The following GGA3 variants were observed in gnomAD, a reference collection of about 807,000 sequenced individuals.
GGA3 encodes ADP-ribosylation factor-binding protein GGA3.
GGA3 carries 57 observed loss-of-function variants against 77.5 expected under a neutral mutation model. The ratio of observed to expected loss-of-function variants is 0.74; its 90% confidence interval spans 0.59 to 0.92. The LOEUF (loss-of-function observed/expected upper bound fraction) is 0.92, where lower values mean the gene tolerates loss of function less well. GGA3 is among the 40% of genes least tolerant of loss of function. The pLI is 0.00. For missense variants in GGA3, 970 were observed against 914.9 expected, an observed-to-expected ratio of 1.06 and a Z score of -0.78; for synonymous variants, 416 against 383.7, an observed-to-expected ratio of 1.08 and a Z score of -0.98.
At chr17:75,255,307 A>C (rs1348710289) in intron 1 of GGA3, among the ~76,000 whole-genome samples, 1 of 152,060 alleles carries the variant, frequency 6.6e-6, no homozygotes, top group African/African-American at 2.4e-5. Flanking sequence ...GTTTTTAGTT[A>C]TCCCCACCTG....
chr17:75,247,552 G>A (rs541938768), intron 1 of GGA3, among the ~76,000 whole-genome samples: 14 of 152,174 alleles, frequency 9.2e-5, no homozygotes, highest in South Asian at 2.1e-4. Flanking sequence ...GTGAGTCACC[G>A]CGCCCAGCGA....
At chr17:75,251,306 T>G (rs959239870) in intron 1 of GGA3, among the ~76,000 whole-genome samples, 1 of 149,080 alleles carries the variant, frequency 6.7e-6, no homozygotes, top group Non-Finnish European at 1.5e-5. Flanking sequence ...GATTTTACCC[T>G]CAAGGAGGCT....
Position 75,239,972 on chromosome 17 carries a change from G to A in GGA3, c.1400C>T (p.Ala467Val), listed in dbSNP as rs577028145. ...AGGAACACTGGCTGGGACCACAGGA[G>A]CTGGGAAGGGAGGCGGCAGTGGAGC... ...SQAPLPPPFP[A>V]PVVPASVPAP... Residue 467 changes from alanine (A) to valine (V), a missense_variant, in exon 13 of 17, where the codon GCT becomes GTT. Physicochemically the swap from Ala to Val is moderately conservative, Grantham distance 64. Coordinates refer to ENST00000537686, the MANE Select transcript of GGA3 (RefSeq NM_138619.4). 2 of 1,564,306 alleles carry A rather than the reference G, an allele frequency of 1.3e-6. No individual in the cohort carries two copies. Among genetic ancestry groups the A allele is most frequent in the African/African-American group, 2.7e-5 (2 of 73,548 alleles).
chr17:75,241,121 G>A, intron 10 of GGA3, 64 bp from the exon 11 acceptor site: 4 of 1,577,694 alleles, frequency 2.5e-6, no homozygotes, highest in Non-Finnish European at 3.5e-6. Flanking sequence ...TGTGGCAGGA[G>A]GCAGCACCCT....
At chr17:75,258,126 T>C (rs1440563590) in intron 1 of GGA3, among the ~76,000 whole-genome samples, 3 of 152,190 alleles carry the variant, frequency 2.0e-5, no homozygotes, top group Non-Finnish European at 4.4e-5. Context: ...GCTCTTAACT[T>C]CACCGCCTAT....
At chr17:75,257,883 C>T (rs921957519) in intron 1 of GGA3, among the ~76,000 whole-genome samples, 3 of 152,136 alleles carry the variant, frequency 2.0e-5, no homozygotes, top group African/African-American at 4.8e-5. Context: ...GCCAAGCCAT[C>T]GCATCCCCTA....
At chr17:75,252,579 A>G (rs1276971398) in intron 1 of GGA3, among the ~76,000 whole-genome samples, 1 of 151,786 alleles carries the variant, frequency 6.6e-6, no homozygotes, top group African/African-American at 2.4e-5. Context: ...TGCTTCTAGA[A>G]CTTCTGTTCT....
chr17:75,253,301 C>G (rs2077034274), intron 1 of GGA3, among the ~76,000 whole-genome samples: 1 of 152,226 alleles, frequency 6.6e-6, no homozygotes, highest in Non-Finnish European at 1.5e-5. Context: ...AATTTCAATT[C>G]CTTTCATTTT....
chr17:75,261,965 C>T, upstream of GGA3: 1 of 1,606,028 alleles, frequency 6.2e-7, no homozygotes. Context: ...GTGCGGCGGG[C>T]TGTCTTGCAG....
At chr17:75,259,317 G>A (rs572520306) in intron 1 of GGA3, among the ~76,000 whole-genome samples, 2 of 152,170 alleles carry the variant, frequency 1.3e-5, no homozygotes. Flanking sequence ...AACACCCCAC[G>A]TAGCAGGTAC....
At chr17:75,255,532 C>A (rs77304746) in intron 1 of GGA3, among the ~76,000 whole-genome samples, 16 of 151,676 alleles carry the variant, frequency 1.1e-4, no homozygotes, top group African/African-American at 3.4e-4. Context: ...TCATTAAAAC[C>A]TAATCACCCT....
At chr17:75,257,862 C>CCT (rs1209930832) in intron 1 of GGA3, among the ~76,000 whole-genome samples, 1 of 152,222 alleles carries the variant, frequency 6.6e-6, no homozygotes, top group Non-Finnish European at 1.5e-5. Context: ...GAATGTCAGG[C>CCT]CTGAGCCCAA....
rs1461571098 is a variant in GGA3, at chr17:75,238,006, CG to C, written c.*272del. Reference sequence around the variant, plus strand: ...CGCCAAGCCTGGGGGTCCATGTTCCCGGGACAGCAGTGAAGTCAGGGGCCAC... The same window carrying C: ...CGCCAAGCCTGGGGGTCCATGTTCCCGGACAGCAGTGAAGTCAGGGGCCAC... On this transcript the variant is annotated 3_prime_UTR_variant, in exon 17 of 17. Transcript: ENST00000537686. 3.2e-6 allele frequency: 4 copies of C among 1,240,582 alleles called. No homozygotes were observed. Among genetic ancestry groups the C allele is most frequent in the Non-Finnish European group, 4.0e-6 (4 of 989,932 alleles). 76.8% of individuals were successfully genotyped at this position (1,240,582 alleles called of 1,614,324 possible). A position where few individuals can be genotyped will look rare whatever the true frequency, so the allele number is the denominator to read the frequency against.
Position 75,237,726 on chromosome 17 carries a change from T to G in GGA3, c.*553A>C. On this transcript the variant is annotated 3_prime_UTR_variant, in exon 17 of 17. Coordinates refer to ENST00000537686, the MANE Select transcript of GGA3 (RefSeq NM_138619.4). ...CCACCAGAGGCAGGGCTGGGGACTT[T>G]GCAGTATGCCAGTTCCTTATTCTGG... 6.9e-7 allele frequency: 1 copy of G among 1,439,348 alleles called. No individual in the cohort carries two copies. The highest frequency in any genetic ancestry group is 9.1e-7 in the Non-Finnish European group (1 of 1,099,434). The allele number at this position is 1,439,348 out of a possible 1,614,324, so 89.2% of individuals were successfully genotyped here.
chr17:75,251,624 T>C (rs1449702999), intron 1 of GGA3, among the ~76,000 whole-genome samples: 2 of 147,054 alleles, frequency 1.4e-5, no homozygotes, highest in African/African-American at 2.6e-5. Flanking sequence ...GAGAATCGCT[T>C]TAACCCAGGC....
At chr17:75,249,692 T>C (rs1245343271) in intron 1 of GGA3, among the ~76,000 whole-genome samples, 1 of 152,200 alleles carries the variant, frequency 6.6e-6, no homozygotes, top group East Asian at 1.9e-4. Flanking sequence ...GCTATTATTT[T>C]GGGAACAGTC....
At chr17:75,249,638 G>A (rs1350270351) in intron 1 of GGA3, among the ~76,000 whole-genome samples, 1 of 152,154 alleles carries the variant, frequency 6.6e-6, no homozygotes, top group African/African-American at 2.4e-5. Context: ...AGTCTACAGG[G>A]TACAAAAATT....
chr17:75,261,363 G>C (rs758754508), intron 1 of GGA3, among the ~76,000 whole-genome samples, 185 bp downstream of exon 1: 1 of 152,270 alleles, frequency 6.6e-6, no homozygotes, highest in African/African-American at 2.4e-5. Context: ...AGGGAAGCGG[G>C]GGCCGGACTG....
Position 75,237,366 on chromosome 17 carries a change from T to C in GGA3, c.*913A>G. ...GTCCAGCCACAGGTGCCACACCACA[T>C]GCCATCTGGTGAGAGGAGAGGGAGG... On this transcript the variant is annotated 3_prime_UTR_variant, in exon 17 of 17. Coordinates refer to ENST00000537686, the MANE Select transcript of GGA3 (RefSeq NM_138619.4). 4 of 927,714 alleles carry C rather than the reference T, an allele frequency of 4.3e-6. No individual in the cohort carries two copies. The South Asian group carries it at 5.6e-5, about 13-fold the overall frequency. The allele number at this position is 927,714 out of a possible 1,614,324, so 57.5% of individuals were successfully genotyped here.
Sources: gnomAD v4.1 joint callset for allele counts (sites outside exome capture counted in the v4.1 genomes callset) on GRCh38, gnomAD v4.1.1 for gene constraint, MANE v1.5 for transcripts, NCBI Gene and HGNC (gene_info 2026-07-23, HGNC 2026-07-21) for gene names.